HS3ST3A1: variants seen among roughly 807,000 people sequenced by gnomAD.
HS3ST3A1 encodes the protein heparan sulfate glucosamine 3-O-sulfotransferase 3A1.
In HS3ST3A1, 19 loss-of-function variants were observed where a neutral mutation model predicts 25.7. The observed-to-expected ratio is 0.74, with a 90% CI of 0.52 to 1.08. The LOEUF is 1.08. Ranked by LOEUF, HS3ST3A1 falls within the 50% of genes least tolerant of loss-of-function variation. The pLI is 0.00. For missense variants in HS3ST3A1, 459 were observed against 594.3 expected, an observed-to-expected ratio of 0.77 and a Z score of 2.37; for synonymous variants, 226 against 278.6, an observed-to-expected ratio of 0.81 and a Z score of 1.88.
intron 1 of HS3ST3A1, among the ~76,000 whole-genome samples, chr17:13,514,732 G>T (rs907654955): frequency 6.6e-6 from 1 of 152,172 alleles, no homozygotes; most frequent in Non-Finnish European, 1.5e-5. Flanking sequence ...CGAGGAGAGG[G>T]TAAGACTACA....
chr17:13,500,175 A>T (rs1182204739), intron 1 of HS3ST3A1, among the ~76,000 whole-genome samples: 7 of 152,230 alleles, frequency 4.6e-5, no homozygotes, highest in African/African-American at 1.7e-4. Flanking sequence ...TATAAAACAA[A>T]AGGCAGGTGT....
rs748352232 is a variant in HS3ST3A1 at position 13,600,715 on chromosome 17, C to T, written c.415G>A (p.Gly139Arg). 1.2e-5 allele frequency: 18 copies of T among 1,554,982 alleles called. No individual in the cohort carries two copies. The highest frequency in any genetic ancestry group is 1.6e-5 in the Non-Finnish European group (18 of 1,157,806). The change falls in exon 1 of 2, where the codon GGG (glycine) becomes AGG (arginine). Residue 139 changes from glycine to arginine, a missense_variant. By Grantham distance (125) the Gly-to-Arg change is moderately radical. Transcript: ENST00000284110. Reference protein sequence around the residue: ...AGSTVAEAPPGTLALLLDEGS... With the variant: ...AGSTVAEAPPRTLALLLDEGS... ...TCGTCCAGGAGCAGCGCCAGGGTCC[C>T]CGGCGGGGCCTCGGCCACGGTGCTT...
chr17:13,574,751 C>CAG (rs1361557741), intron 1 of HS3ST3A1, among the ~76,000 whole-genome samples: 1 of 84,846 alleles, frequency 1.2e-5, no homozygotes, highest in African/African-American at 5.8e-5. Context: ...TACACACACA[C>CAG]ACACACACAA....
chr17:13,591,187 C>T (rs567184810), intron 1 of HS3ST3A1, among the ~76,000 whole-genome samples: 1 of 151,810 alleles, frequency 6.6e-6, no homozygotes, highest in Non-Finnish European at 1.5e-5. Flanking sequence ...CCTGGGATTA[C>T]AGGCATGGCC....
At chr17:13,511,541 A>G (rs959369784) in intron 1 of HS3ST3A1, among the ~76,000 whole-genome samples, 1 of 152,002 alleles carries the variant, frequency 6.6e-6, no homozygotes, top group African/African-American at 2.4e-5. Context: ...AATCCAGTTC[A>G]CGGTCCTGAA....
chr17:13,526,357 A>AGT (rs1906418790), intron 1 of HS3ST3A1, among the ~76,000 whole-genome samples: 1 of 150,940 alleles, frequency 6.6e-6, no homozygotes, highest in African/African-American at 2.4e-5. Flanking sequence ...CGTTACTGAC[A>AGT]GTGCTTTTTC....
intron 1 of HS3ST3A1, among the ~76,000 whole-genome samples, chr17:13,549,992 A>G (rs1816084618): frequency 6.6e-6 from 1 of 152,136 alleles, no homozygotes; most frequent in Admixed American, 6.5e-5. Flanking sequence ...GGTCATATAG[A>G]TATTGGGGGA....
intron 1 of HS3ST3A1, among the ~76,000 whole-genome samples, chr17:13,555,542 T>G (rs2142360141): frequency 6.6e-6 from 1 of 152,276 alleles, no homozygotes; most frequent in East Asian, 1.9e-4. Context: ...TGGAAGCATC[T>G]TGCCTCAAAA....
chr17:13,545,475 T>C (rs536967864), intron 1 of HS3ST3A1, among the ~76,000 whole-genome samples: 5 of 152,334 alleles, frequency 3.3e-5, no homozygotes, highest in African/African-American at 7.2e-5. Flanking sequence ...TCCCTAGCTA[T>C]ACCGGAGAGC....
At chr17:13,541,049 T>G (rs1185942320) in intron 1 of HS3ST3A1, among the ~76,000 whole-genome samples, 5 of 152,206 alleles carry the variant, frequency 3.3e-5, no homozygotes, top group Non-Finnish European at 2.9e-5. Flanking sequence ...AAAAAATTGT[T>G]TTAAACTGAA....
At chr17:13,545,342 A>T (rs569690956) in intron 1 of HS3ST3A1, among the ~76,000 whole-genome samples, 56 of 152,352 alleles carry the variant, frequency 3.7e-4, no homozygotes, top group Middle Eastern at 3.4e-3. Context: ...TGCTCATTCC[A>T]CAGGGGACTC....
At chr17:13,556,021 T>C (rs1907362507) in intron 1 of HS3ST3A1, 1 of 152,200 alleles carries the variant, frequency 6.6e-6, no homozygotes, top group Non-Finnish European at 1.5e-5. Context: ...AAGAAAAATC[T>C]GGGAAGCCCT....
At chr17:13,550,736 A>AC in intron 1 of HS3ST3A1, among the ~76,000 whole-genome samples, 1 of 151,928 alleles carries the variant, frequency 6.6e-6, no homozygotes, top group South Asian at 2.1e-4. Context: ...AACAACAACA[A>AC]AACAGATATA....
intron 1 of HS3ST3A1, among the ~76,000 whole-genome samples, chr17:13,515,683 A>G (rs1906031768): frequency 6.6e-6 from 1 of 152,124 alleles, no homozygotes; most frequent in African/African-American, 2.4e-5. Context: ...TGGGTCATTT[A>G]ACAAGTATAT....
chr17:13,585,844 T>G (rs1196236677), intron 1 of HS3ST3A1, among the ~76,000 whole-genome samples: 29 of 125,308 alleles, frequency 2.3e-4, no homozygotes, highest in Middle Eastern at 4.0e-3. Flanking sequence ...TTCTGCGTTT[T>G]TTTTTTTTTT....
intron 1 of HS3ST3A1, among the ~76,000 whole-genome samples, chr17:13,520,560 C>T (rs1257188471): frequency 6.6e-6 from 1 of 152,082 alleles, no homozygotes; most frequent in Admixed American, 6.6e-5. Context: ...TAGAACCAGT[C>T]AACAGTGAGC....
chr17:13,591,818 T>G (rs1335753883), intron 1 of HS3ST3A1, among the ~76,000 whole-genome samples: 2 of 151,956 alleles, frequency 1.3e-5, no homozygotes, highest in Non-Finnish European at 2.9e-5. Context: ...CACGACCACA[T>G]CCGGCTAATT....
intron 1 of HS3ST3A1, among the ~76,000 whole-genome samples, chr17:13,519,382 AT>A (rs1906155117): frequency 1.3e-5 from 2 of 152,096 alleles, no homozygotes; most frequent in South Asian, 4.1e-4. Context: ...ATTTTAGCCC[AT>A]TTTTCTTTAT....
intron 1 of HS3ST3A1, among the ~76,000 whole-genome samples, chr17:13,561,673 T>A (rs973218018): frequency 3.3e-5 from 5 of 152,024 alleles, no homozygotes; most frequent in Admixed American, 2.6e-4. Flanking sequence ...ATTACAGGGG[T>A]GAGCCACTGG....
Sources: allele counts gnomAD v4.1 joint callset (sites outside exome capture counted in the v4.1 genomes callset), GRCh38; gene constraint gnomAD v4.1.1; transcripts MANE v1.5; gene names NCBI Gene and HGNC (gene_info 2026-07-23, HGNC 2026-07-21).